CFAP70: variants seen among roughly 807,000 people sequenced by gnomAD.
CFAP70 encodes the protein cilia and flagella associated protein 70, also known as cilia- and flagella-associated protein 70.
Under a neutral mutation model 137.6 loss-of-function variants are expected in CFAP70, and 81 were observed. The observed-to-expected ratio is 0.59, with a 90% confidence interval of 0.49 to 0.71. CFAP70 has a LOEUF of 0.71. Ranked by LOEUF, CFAP70 falls within the 30% of genes least tolerant of loss-of-function variation. The probability of loss-of-function intolerance (pLI) is 0.00; values close to 1 mark genes in which losing one functional copy is unlikely to be tolerated. For synonymous variants in CFAP70, 382 were observed against 423.6 expected (o/e 0.90, Z 1.20); for missense variants, 976 against 1,226.7 (o/e 0.80, Z 3.05).
At chr10:73,289,921 T>C (rs1352951613) in intron 19 of CFAP70, among the ~76,000 whole-genome samples, 3 of 151,980 alleles carry the variant, frequency 2.0e-5, no homozygotes, top group Non-Finnish European at 4.4e-5. Flanking sequence ...GGCACATATC[T>C]GTAGCTCCAG....
intron 14 of CFAP70, 61 bp from the exon 16 acceptor site, chr10:73,297,234 G>T: frequency 6.5e-7 from 1 of 1,545,120 alleles, no homozygotes; most frequent in Non-Finnish European, 8.7e-7. Context: ...GAGAGCACGG[G>T]TCTCTCTAGG....
intron 3 of CFAP70, among the ~76,000 whole-genome samples, chr10:73,350,156 C>A (rs1236760081): frequency 6.6e-6 from 1 of 152,192 alleles, no homozygotes; most frequent in Non-Finnish European, 1.5e-5. Context: ...TCAAACACTT[C>A]TCTCTTTTGT....
intron 8 of CFAP70, among the ~76,000 whole-genome samples, chr10:73,324,111 A>G (rs887357739): frequency 3.9e-5 from 6 of 152,130 alleles, no homozygotes; most frequent in African/African-American, 1.4e-4. Context: ...GACACCTCAC[A>G]CTGCCGGGTA....
At chr10:73,341,285 A>T in intron 6 of CFAP70, 114 bp downstream of exon 7, 1 of 907,668 alleles carries the variant, frequency 1.1e-6, no homozygotes, top group East Asian at 2.5e-5. Flanking sequence ...TTATTTTGGC[A>T]TGTAAGTATT....
In CFAP70 at chr10:73,253,934, A is replaced by G; in HGVS notation, c.*41T>C. ...GTAAAACTCTCTGGGAAGGAAAGGA[A>G]CTCAGAGTCCCATGCAGAAAATTGT... is the stretch of plus-strand genomic sequence containing the variant. On this transcript the variant is annotated 3_prime_UTR_variant, in exon 27 of 27. Transcript: ENST00000310715. The G allele has an allele frequency of 2.0e-6, 3 of 1,508,716 alleles. 1 individual carries two copies. The East Asian group carries it at 6.9e-5, about 35-fold the overall frequency. 93.5% of individuals were successfully genotyped at this position (1,508,716 alleles called of 1,614,324 possible).
intron 9 of CFAP70, among the ~76,000 whole-genome samples, chr10:73,316,790 A>T (rs1468434810): frequency 6.6e-6 from 1 of 152,068 alleles, no homozygotes; most frequent in Non-Finnish European, 1.5e-5. Context: ...CTAATACTTT[A>T]TCCAATCATG....
Position 73,287,495 on chromosome 10 carries a change from G to C in CFAP70, c.2239+3731C>G, listed in dbSNP as rs569024950. On this transcript the variant is annotated intron_variant, in intron 19 of 26. Coordinates refer to ENST00000310715, the Ensembl canonical transcript of CFAP70. ...TAGGAAAATATTCTTAATCCTAGGT[G>C]ATATATGCAAATATATTTTTTCTAT... 1.9e-3 allele frequency among the ~76,000 whole-genome samples: 289 copies of C among 152,252 alleles called. 2 individuals carry two copies. The highest frequency in any genetic ancestry group is 6.6e-3 in the African/African-American group (273 of 41,546).
At chr10:73,265,544 C>T (rs2045675095) in intron 25 of CFAP70, among the ~76,000 whole-genome samples, 1 of 152,080 alleles carries the variant, frequency 6.6e-6, no homozygotes, top group Non-Finnish European at 1.5e-5. Flanking sequence ...TAGACATTCT[C>T]CCATGTTTAA....
At chr10:73,289,032 C>T (rs183990279) in intron 19 of CFAP70, among the ~76,000 whole-genome samples, 35 of 152,208 alleles carry the variant, frequency 2.3e-4, no homozygotes, top group Admixed American at 6.5e-4. Context: ...TCCTTTGTTG[C>T]CTCTCTTACT....
chr10:73,339,245 G>A (rs1325670749), intron 6 of CFAP70, among the ~76,000 whole-genome samples: 1 of 151,934 alleles, frequency 6.6e-6, no homozygotes, highest in Non-Finnish European at 1.5e-5. Context: ...TTTTTATTTG[G>A]TGAGCCAGTC....
At chr10:73,336,580 CTT>C (rs58611619) in intron 6 of CFAP70, among the ~76,000 whole-genome samples, 294 of 124,216 alleles carry the variant, frequency 2.4e-3, no homozygotes, top group African/African-American at 8.4e-3. Flanking sequence ...TACTATTTTC[CTT>C]TTTTTTTTTT....
At chr10:73,282,826 C>CTTTTTTTT (rs1203127459) in intron 19 of CFAP70, among the ~76,000 whole-genome samples, 279 of 90,802 alleles carry the variant, frequency 3.1e-3, no homozygotes, top group Middle Eastern at 0.01. Context: ...TTCCTGTTAT[C>CTTTTTTTT]TTTTTTTTTT....
chr10:73,265,494 G>C (rs11000570), intron 25 of CFAP70, among the ~76,000 whole-genome samples: 15,937 of 151,822 alleles, frequency 0.1, 1,184 homozygotes, highest in East Asian at 0.29. Context: ...TTTTATTCAG[G>C]GGCATAGTAT....
intron 19 of CFAP70, among the ~76,000 whole-genome samples, chr10:73,282,760 C>T (rs762789322): frequency 6.7e-6 from 1 of 148,516 alleles, no homozygotes; most frequent in Non-Finnish European, 1.5e-5. Flanking sequence ...GTGACTTCAT[C>T]TTTCATTAGA....
chr10:73,315,700 C>T (rs1589451234), intron 9 of CFAP70, among the ~76,000 whole-genome samples: 1 of 152,052 alleles, frequency 6.6e-6, no homozygotes, highest in South Asian at 2.1e-4. Context: ...AGTGGTGGGA[C>T]CACAGGCATG....
chr10:73,346,781 C>T lies in CFAP70; in HGVS notation c.349+1642G>A, dbSNP rs114169178. ...ATTTATGCAAAATCTATACTAGAGA[C>T]CTGTACAAAATGCTGCAGTCAAGGA... is the stretch of plus-strand genomic sequence containing the variant. On this transcript the variant is annotated intron_variant, in intron 4 of 26. Coordinates refer to ENST00000310715, the Ensembl canonical transcript of CFAP70. Among the ~76,000 whole-genome samples the T allele has an allele frequency of 7.7e-3, 1,176 of 152,256 alleles. 14 individuals carry two copies. Among genetic ancestry groups the T allele is most frequent in the African/African-American group, 0.027 (1,109 of 41,548 alleles).
chr10:73,295,975 A>G (rs1224029835), intron 15 of CFAP70: 1 of 152,198 alleles, frequency 6.6e-6, no homozygotes, highest in Non-Finnish European at 1.5e-5. Context: ...ATTGCATTCC[A>G]TGTCCTGGTT....
At chr10:73,356,028 A>T (rs189322928) in intron 1 of CFAP70, among the ~76,000 whole-genome samples, 3 of 152,262 alleles carry the variant, frequency 2.0e-5, no homozygotes, top group African/African-American at 7.2e-5. Flanking sequence ...TTACAAAAAT[A>T]TATTTTGAGA....
intron 25 of CFAP70, among the ~76,000 whole-genome samples, chr10:73,257,525 C>T (rs1437385912): frequency 1.3e-5 from 2 of 152,162 alleles, no homozygotes; most frequent in South Asian, 2.1e-4. Flanking sequence ...ACAGAATATT[C>T]GTGTCTGAAG....
Sources: gnomAD v4.1 joint callset for allele counts (sites outside exome capture counted in the v4.1 genomes callset) on GRCh38, gnomAD v4.1.1 for gene constraint, MANE v1.5 for transcripts, NCBI Gene and HGNC (gene_info 2026-07-23, HGNC 2026-07-21) for gene names.